WIF1: variants seen among roughly 807,000 people sequenced by gnomAD.
The protein encoded by WIF1 is Wnt inhibitory factor 1.
Under a neutral mutation model 53.5 loss-of-function variants are expected in WIF1, and 35 were observed. That is an observed-to-expected ratio of 0.65 (90% CI 0.50 to 0.87). The LOEUF is 0.87. WIF1 is among the 40% of genes least tolerant of loss of function. The pLI is 0.00. For synonymous variants in WIF1, 171 were observed against 170.4 expected, an observed-to-expected ratio of 1.00 and a Z score of -0.03; for missense variants, 467 against 476.8, an observed-to-expected ratio of 0.98 and a Z score of 0.19.
At chr12:65,055,902 T>C (rs1316888980) in intron 8 of WIF1, 129 bp downstream of exon 8, 4 of 724,220 alleles carry the variant, frequency 5.5e-6, no homozygotes, top group South Asian at 4.3e-5. Context: ...AGGAAGCATA[T>C]ATGTCAGTGA....
At chr12:65,102,571 C>T (rs1209503265) in intron 2 of WIF1, among the ~76,000 whole-genome samples, 2 of 152,204 alleles carry the variant, frequency 1.3e-5, no homozygotes, top group Non-Finnish European at 1.5e-5. Flanking sequence ...CTCAAAGACA[C>T]ACACAGAATA....
At chr12:65,115,600 C>A (rs1468512993) in intron 2 of WIF1, among the ~76,000 whole-genome samples, 6 of 152,178 alleles carry the variant, frequency 3.9e-5, no homozygotes, top group African/African-American at 1.4e-4. Flanking sequence ...AAGATATCAT[C>A]TATTGAAAAG....
chr12:65,104,898 G>C (rs1160836567), intron 2 of WIF1, among the ~76,000 whole-genome samples: 1 of 152,174 alleles, frequency 6.6e-6, no homozygotes, highest in Non-Finnish European at 1.5e-5. Flanking sequence ...CTTTTGATAA[G>C]TATTTAGGAG....
In WIF1 at chr12:65,066,710, C is replaced by T. The variant is rs770206548; in HGVS notation, c.661G>A (p.Gly221Ser). 1 of 1,609,654 alleles carries T rather than the reference C, an allele frequency of 6.2e-7. No homozygotes were observed. The highest frequency in any genetic ancestry group is 8.5e-7 in the Non-Finnish European group (1 of 1,177,642). ...AAACCAGGAGTCACACAAAGTCCAC[C>T]ATTCATACATCGTGGGGTACAAAGG... is the stretch of plus-strand genomic sequence containing the variant. Reference protein sequence around the residue: ...KALCTPRCMNGGLCVTPGFCI... With the variant: ...KALCTPRCMNSGLCVTPGFCI... Residue 221 changes from glycine to serine, a missense_variant, in exon 6 of 10, where the codon GGT becomes AGT. Gly to Ser is a moderately conservative substitution (Grantham distance 56, BLOSUM62 0). Coordinates refer to ENST00000286574, the MANE Select transcript of WIF1 (RefSeq NM_007191.5).
Position 65,050,815 on chromosome 12 carries a change from ATTT to A in WIF1, c.*531_*533del. The A allele has an allele frequency of 5.5e-6, 1 of 182,046 alleles. No individual in the cohort carries two copies. The highest frequency in any genetic ancestry group is 1.1e-5 in the Non-Finnish European group (1 of 87,500). The allele number at this position is 182,046 out of a possible 1,614,324, so 11.3% of individuals were successfully genotyped here. On this transcript the variant is annotated 3_prime_UTR_variant, in exon 10 of 10. Coordinates refer to ENST00000286574, the MANE Select transcript of WIF1 (RefSeq NM_007191.5). Reference sequence around the variant, plus strand: ...GTTTAAATGCCACTACCACAGTGTAATTTTTTTTTTTTTAATACTGAATCTCTG... The same window carrying A: ...GTTTAAATGCCACTACCACAGTGTAATTTTTTTTTTAATACTGAATCTCTG...
intron 2 of WIF1, among the ~76,000 whole-genome samples, chr12:65,103,080 A>G (rs1883305271): frequency 1.3e-5 from 2 of 152,178 alleles, no homozygotes; most frequent in Admixed American, 1.3e-4. Context: ...GCCCTTATAT[A>G]TTTTTATTGA....
intron 2 of WIF1, among the ~76,000 whole-genome samples, chr12:65,117,046 A>G (rs73312865): frequency 0.011 from 1,717 of 151,692 alleles, 16 homozygotes; most frequent in Middle Eastern, 0.045. Context: ...GACTCTTCCC[A>G]TGGCCCCAAA....
At chr12:65,117,699 C>G (rs1195923044) in intron 2 of WIF1, among the ~76,000 whole-genome samples, 1 of 152,154 alleles carries the variant, frequency 6.6e-6, no homozygotes, top group Non-Finnish European at 1.5e-5. Flanking sequence ...TGCAACTAGA[C>G]GGTCCTATAT....
Position 65,120,976 on chromosome 12 carries a change from C to T in WIF1, c.148+68G>A, listed in dbSNP as rs964956162. 3.7e-6 allele frequency: 5 copies of T among 1,360,486 alleles called. No individual in the cohort carries two copies. In the African/African-American group the frequency reaches 7.5e-5, roughly 20 times the overall value. The allele number at this position is 1,360,486 out of a possible 1,614,324, so 84.3% of individuals were successfully genotyped here. A position where few individuals can be genotyped will look rare whatever the true frequency, so the allele number is the denominator to read the frequency against. ...TTTAAAACACAAGAAACGCAGGTAT[C>T]CCTCTTTCTTGAAGAGTGGAGAGAG... On this transcript the variant is annotated intron_variant, in intron 1 of 9. Transcript: ENST00000286574.
chr12:65,077,960 G>A (rs1882890212), intron 2 of WIF1, 106 bp from the exon 3 acceptor site: 1 of 811,766 alleles, frequency 1.2e-6, no homozygotes, highest in Non-Finnish European at 2.0e-6. Flanking sequence ...TTCATTACAG[G>A]AACTCTGGAG....
intron 2 of WIF1, among the ~76,000 whole-genome samples, chr12:65,095,259 T>C (rs2136632211): frequency 6.6e-6 from 1 of 152,142 alleles, no homozygotes; most frequent in East Asian, 1.9e-4. Flanking sequence ...TTCTTTATTT[T>C]GGAACATATT....
At position 65,102,128 on chromosome 12, in the gene WIF1, G is replaced by T. The variant is rs564694401; in HGVS notation, c.288+18289C>A. Reference sequence around the variant, plus strand: ...GGCCCTCAAGAGTTTAGTTGATCAAGATTTAACCTGTGCTGTCTTTTGCTT... The same window carrying T: ...GGCCCTCAAGAGTTTAGTTGATCAATATTTAACCTGTGCTGTCTTTTGCTT... On this transcript the variant is annotated intron_variant, in intron 2 of 9. Coordinates refer to ENST00000286574, the MANE Select transcript of WIF1 (RefSeq NM_007191.5). 1.2e-4 allele frequency among the ~76,000 whole-genome samples: 19 copies of T among 152,292 alleles called. No homozygotes were observed. The South Asian group carries it at 3.7e-3, about 30-fold the overall frequency.
intron 6 of WIF1, among the ~76,000 whole-genome samples, chr12:65,063,820 C>T (rs1231258871): frequency 6.6e-6 from 1 of 150,616 alleles, no homozygotes; most frequent in Non-Finnish European, 1.5e-5. Flanking sequence ...CTTAAGGTTT[C>T]TTCCTGCCTC....
chr12:65,098,218 C>T (rs1288065394), intron 2 of WIF1, among the ~76,000 whole-genome samples: 1 of 152,140 alleles, frequency 6.6e-6, no homozygotes, highest in Admixed American at 6.6e-5. Flanking sequence ...TATATATTAT[C>T]TGACTGTTAA....
intron 2 of WIF1, among the ~76,000 whole-genome samples, chr12:65,094,199 C>T (rs952892767): frequency 6.6e-6 from 1 of 152,128 alleles, no homozygotes; most frequent in Non-Finnish European, 1.5e-5. Context: ...TTTGGAAAGT[C>T]TGAAAGGACA....
At chr12:65,110,765 T>C (rs1332627548) in intron 2 of WIF1, among the ~76,000 whole-genome samples, 1 of 152,224 alleles carries the variant, frequency 6.6e-6, no homozygotes, top group African/African-American at 2.4e-5. Flanking sequence ...CAGGACCAAG[T>C]CCTTGCTCTC....
At chr12:65,055,077 A>T (rs755784983) in intron 9 of WIF1, 41 bp downstream of exon 9, 11 of 1,599,930 alleles carry the variant, frequency 6.9e-6, no homozygotes, top group Non-Finnish European at 9.4e-6. Flanking sequence ...TTTTATTTTT[A>T]TTTTTTTCCT....
At chr12:65,110,067 G>A (rs918895136) in intron 2 of WIF1, among the ~76,000 whole-genome samples, 4 of 152,190 alleles carry the variant, frequency 2.6e-5, no homozygotes, top group Non-Finnish European at 5.9e-5. Flanking sequence ...AATGACTGAA[G>A]TTGTTTTACT....
chr12:65,072,771 AG>A (rs1882803809), intron 3 of WIF1, among the ~76,000 whole-genome samples: 1 of 152,210 alleles, frequency 6.6e-6, no homozygotes, highest in Admixed American at 6.6e-5. Context: ...CCAAGGAATA[AG>A]AGGAATGTGA....
Sources: gnomAD v4.1 joint callset for allele counts (sites outside exome capture counted in the v4.1 genomes callset) on GRCh38, gnomAD v4.1.1 for gene constraint, MANE v1.5 for transcripts, NCBI Gene and HGNC (gene_info 2026-07-23, HGNC 2026-07-21) for gene names.